The following WWP2 variants were observed in gnomAD, a reference collection of about 807,000 sequenced individuals.
The protein encoded by WWP2 is WW domain containing E3 ubiquitin protein ligase 2, also known as NEDD4-like E3 ubiquitin-protein ligase WWP2.
A neutral mutation model predicts 121.0 loss-of-function variants in WWP2; 57 were observed. The ratio of observed to expected loss-of-function variants is 0.47; its 90% CI spans 0.38 to 0.59. The LOEUF (loss-of-function observed/expected upper bound fraction) is 0.59, where lower values mean the gene tolerates loss of function less well. WWP2 is among the 20% of genes least tolerant of loss of function. WWP2 has a pLI of 0.00. For missense variants in WWP2, 962 were observed against 1,158.9 expected (o/e 0.83, Z 2.47); for synonymous variants, 449 against 441.3 (o/e 1.02, Z -0.22).
intron 1 of WWP2, among the ~76,000 whole-genome samples, chr16:69,780,230 A>G (rs996184127): frequency 3.3e-5 from 5 of 149,938 alleles, no homozygotes; most frequent in African/African-American, 2.4e-5. Flanking sequence ...TACACCAAAG[A>G]CATCGTACTA....
chr16:69,828,101 G>A (rs1331516623), intron 4 of WWP2: 1 of 362,498 alleles, frequency 2.8e-6, no homozygotes, highest in Non-Finnish European at 5.3e-6. Context: ...AATGTGTGTA[G>A]CTGGATGGGC....
In WWP2 at chr16:69,904,688, C is replaced by T. The variant is rs79934309; in HGVS notation, c.915-4073C>T. ...ACCTGGCCCTAGTGTGCATTTTCAT[C>T]TGGCCACTTTTGCCAGATCCTGCCC... On this transcript the variant is annotated intron_variant, in intron 8 of 23. Transcript: ENST00000359154. Among the ~76,000 whole-genome samples the T allele has an allele frequency of 3.0e-3, 460 of 152,244 alleles. 1 individual carries two copies. The highest frequency in any genetic ancestry group is 4.1e-3 in the Non-Finnish European group (281 of 67,996).
At chr16:69,889,589 A>C (rs1361654768) in intron 8 of WWP2, among the ~76,000 whole-genome samples, 1 of 152,190 alleles carries the variant, frequency 6.6e-6, no homozygotes, top group Non-Finnish European at 1.5e-5. Flanking sequence ...TGAAGCCCTC[A>C]CTGATTGGTG....
chr16:69,938,535 C>G (rs2035486941), intron 21 of WWP2, among the ~76,000 whole-genome samples: 1 of 152,066 alleles, frequency 6.6e-6, no homozygotes, highest in African/African-American at 2.4e-5. Flanking sequence ...ATGAGAATCA[C>G]TTGAACCTGG....
chr16:69,889,845 T>C (rs942360710), intron 8 of WWP2, among the ~76,000 whole-genome samples: 4 of 152,130 alleles, frequency 2.6e-5, no homozygotes, highest in African/African-American at 7.2e-5. Flanking sequence ...TTGTGATTCA[T>C]AAAGGAAAAA....
chr16:69,914,883 A>G (rs941260908), intron 9 of WWP2, among the ~76,000 whole-genome samples: 3 of 152,228 alleles, frequency 2.0e-5, no homozygotes, highest in Admixed American at 6.5e-5. Flanking sequence ...ACCTTGATAC[A>G]TCCTGTCTTG....
At chr16:69,830,809 T>C (rs2056780839) in intron 4 of WWP2, among the ~76,000 whole-genome samples, 1 of 152,204 alleles carries the variant, frequency 6.6e-6, no homozygotes, top group Non-Finnish European at 1.5e-5. Context: ...CTTCCTTTAC[T>C]GCAAAGGAAA....
intron 7 of WWP2, among the ~76,000 whole-genome samples, chr16:69,885,418 C>T (rs2057906926): frequency 1.3e-5 from 2 of 152,096 alleles, no homozygotes; most frequent in East Asian, 3.9e-4. Context: ...AGCCTGTGTA[C>T]CAGGCAATAT....
intron 16 of WWP2, chr16:69,933,273 C>G: frequency 2.6e-6 from 1 of 383,352 alleles, no homozygotes; most frequent in Non-Finnish European, 5.4e-6. Flanking sequence ...TGGTTTAGCT[C>G]AAGCCCAAAA....
intron 16 of WWP2, 130 bp downstream of exon 16, chr16:69,932,020 A>T: frequency 1.1e-6 from 1 of 910,534 alleles, no homozygotes; most frequent in Non-Finnish European, 1.7e-6. Context: ...AGGAATGGGC[A>T]CAGTGTGGCA....
intron 9 of WWP2, chr16:69,909,739 T>C: frequency 1.0e-6 from 1 of 960,744 alleles, no homozygotes; most frequent in Non-Finnish European, 1.2e-6. Context: ...ACAGGTTAAG[T>C]GTTTTGTTAT....
chr16:69,817,957 C>A (rs1286298553), intron 4 of WWP2, among the ~76,000 whole-genome samples: 1 of 151,764 alleles, frequency 6.6e-6, no homozygotes, highest in Non-Finnish European at 1.5e-5. Context: ...AATTCCCAGG[C>A]ATGCAGTCGC....
chr16:69,867,981 T>C (rs1500337), intron 6 of WWP2, among the ~76,000 whole-genome samples: 102,182 of 152,136 alleles, frequency 0.67, 35,795 homozygotes, highest in East Asian at 0.9. Context: ...AGCTTTTCAT[T>C]ACAATATGAT....
At chr16:69,885,922 T>A (rs1001319345) in intron 7 of WWP2, among the ~76,000 whole-genome samples, 17 of 152,172 alleles carry the variant, frequency 1.1e-4, no homozygotes, top group Non-Finnish European at 2.9e-5. Flanking sequence ...GGTATCTGAT[T>A]TATTATGTTT....
chr16:69,937,674 T>C lies in WWP2; in HGVS notation c.2343+22T>C. ...GCAGGTGGGTCCCGGGCCCAGGCCTTGGCAGGGACATTTGGGCCATCAACC... is the reference window on the plus strand; with the variant it reads ...GCAGGTGGGTCCCGGGCCCAGGCCTCGGCAGGGACATTTGGGCCATCAACC... On this transcript the variant is annotated intron_variant, in intron 21 of 23. Coordinates refer to ENST00000359154, the MANE Select transcript of WWP2 (RefSeq NM_001270454.2). This position sits in a 1 kb window ranked among gnomAD's most constrained non-coding sequence, Gnocchi z 6.6. The C allele has an allele frequency of 6.2e-7, 1 of 1,612,128 alleles. No homozygotes were observed. Among genetic ancestry groups the C allele is most frequent in the Non-Finnish European group, 8.5e-7 (1 of 1,178,748 alleles).
At position 69,908,974 on chromosome 16, in the gene WWP2, T is replaced by C. The variant is rs535455580; in HGVS notation, c.1004+124T>C. 18 of 1,500,520 alleles carry C rather than the reference T, an allele frequency of 1.2e-5. No homozygotes were observed. In the African/African-American group the frequency reaches 2.4e-4, roughly 20 times the overall value. The allele number at this position is 1,500,520 out of a possible 1,614,324, so 93.0% of individuals were successfully genotyped here. On this transcript the variant is annotated intron_variant, in intron 9 of 23. Transcript: ENST00000359154. ...ACAGTGACGTTTATTCCGGGTCACT[T>C]GATTGCTTTTCCTATCCACTTACCT...
chr16:69,852,158 T>G (rs2057228088), intron 6 of WWP2, among the ~76,000 whole-genome samples: 1 of 152,218 alleles, frequency 6.6e-6, no homozygotes, highest in African/African-American at 2.4e-5. Context: ...TGAGAGTTCC[T>G]GTTGCTCCAC....
intron 6 of WWP2, among the ~76,000 whole-genome samples, chr16:69,845,294 A>G (rs1023667081): frequency 1.3e-5 from 2 of 151,502 alleles, no homozygotes; most frequent in African/African-American, 4.9e-5. Flanking sequence ...GTGCATGCCT[A>G]CCCCCCTTCC....
At chr16:69,790,679 G>A (rs571347469) in intron 2 of WWP2, among the ~76,000 whole-genome samples, 54 of 152,154 alleles carry the variant, frequency 3.5e-4, no homozygotes, top group Non-Finnish European at 7.2e-4. Flanking sequence ...GGGTTCAAGC[G>A]ATTCTCATGC....
Sources: gnomAD v4.1 joint callset for allele counts (sites outside exome capture counted in the v4.1 genomes callset) on GRCh38, gnomAD v4.1.1 for gene constraint, Gnocchi (gnomAD v3.1) non-coding constraint, MANE v1.5 for transcripts, NCBI Gene and HGNC (gene_info 2026-07-23, HGNC 2026-07-21) for gene names.